Variants in ZBTB46 observed in about 807,000 individuals in gnomAD.
The protein encoded by ZBTB46 is zinc finger and BTB domain-containing protein 46.
In ZBTB46, 8 loss-of-function variants were observed where a neutral mutation model predicts 44.1. That is an observed-to-expected ratio of 0.18 (90% CI 0.11 to 0.33). ZBTB46 has a LOEUF of 0.33. Among genes scored for constraint, ZBTB46 ranks in the 10% least tolerant of loss-of-function variants. ZBTB46 has a pLI of 1.00. For missense variants in ZBTB46, 651 were observed against 847.7 expected, an observed-to-expected ratio of 0.77 and a Z score of 2.88; for synonymous variants, 409 against 382.3, an observed-to-expected ratio of 1.07 and a Z score of -0.81.
At chr20:63,754,682 C>T (rs1353643348) in intron 3 of ZBTB46, among the ~76,000 whole-genome samples, 4 of 151,842 alleles carry the variant, frequency 2.6e-5, no homozygotes, top group Non-Finnish European at 5.9e-5. Context: ...TCACTGCAAG[C>T]TCTGCCTCCC....
At chr20:63,833,333 T>C (rs1352341089), upstream of ZBTB46, among the ~76,000 whole-genome samples, 1 of 152,230 alleles carries the variant, frequency 6.6e-6, no homozygotes, top group African/African-American at 2.4e-5. Context: ...GTCTCACGCC[T>C]GTAATCCCAG....
intron 1 of ZBTB46, among the ~76,000 whole-genome samples, chr20:63,809,415 C>T (rs2092705122): frequency 6.6e-6 from 1 of 152,180 alleles, no homozygotes; most frequent in African/African-American, 2.4e-5. Flanking sequence ...CCCCTGGGTC[C>T]AGGCCTCAGG....
intron 2 of ZBTB46, 28 bp downstream of exon 2, chr20:63,789,793 G>A (rs769207476): frequency 1.3e-6 from 2 of 1,581,430 alleles, no homozygotes; most frequent in South Asian, 1.1e-5. Flanking sequence ...TGGGGCAGCT[G>A]AGCCCCCGTA....
chr20:63,746,918 C>A lies in ZBTB46; in HGVS notation c.*12G>T. 6.6e-7 allele frequency: 1 copy of A among 1,513,364 alleles called. No homozygotes were observed. The highest frequency in any genetic ancestry group is 2.4e-5 in the East Asian group (1 of 42,080). 93.7% of individuals were successfully genotyped at this position (1,513,364 alleles called of 1,614,324 possible). Reference sequence around the variant, plus strand: ...GGAGCGAGGCAGCCACCGACCCTGCCGGCGGGCGGGCCTAGGAGAGCCAGG... The same window carrying A: ...GGAGCGAGGCAGCCACCGACCCTGCAGGCGGGCGGGCCTAGGAGAGCCAGG... On this transcript the variant is annotated 3_prime_UTR_variant, in exon 5 of 5. Coordinates refer to ENST00000245663, the MANE Select transcript of ZBTB46 (RefSeq NM_001369741.1).
intron 3 of ZBTB46, chr20:63,775,474 C>G (rs1355987602): frequency 1.7e-6 from 1 of 587,580 alleles, no homozygotes; most frequent in Non-Finnish European, 2.8e-6. Context: ...CCATTCCCTC[C>G]TCACTCTAAA....
Position 63,803,027 on chromosome 20 carries a change from G to A in ZBTB46, c.-33-12237C>T, listed in dbSNP as rs990101304. 1.3e-5 allele frequency among the ~76,000 whole-genome samples: 2 copies of A among 152,176 alleles called. No homozygotes were observed. Among genetic ancestry groups the A allele is most frequent in the African/African-American group, 2.4e-5 (1 of 41,454 alleles). ...CCCCGTTTCTACCACCAAAGAGCGCGATGCCACAGACGCCAACAGGAGGAA... is the reference window on the plus strand; with the variant it reads ...CCCCGTTTCTACCACCAAAGAGCGCAATGCCACAGACGCCAACAGGAGGAA... On this transcript the variant is annotated intron_variant, in intron 1 of 4. Transcript: ENST00000245663. This position sits in a 1 kb window ranked among gnomAD's most constrained non-coding sequence, Gnocchi z 4.0.
At chr20:63,810,023 C>G (rs2092708901) in intron 1 of ZBTB46, among the ~76,000 whole-genome samples, 1 of 151,882 alleles carries the variant, frequency 6.6e-6, no homozygotes, top group Non-Finnish European at 1.5e-5. Flanking sequence ...AACGTAATGT[C>G]AATTACAAAG....
chr20:63,807,863 T>C (rs4809353), intron 1 of ZBTB46, among the ~76,000 whole-genome samples: 21,329 of 142,070 alleles, frequency 0.15, 2,109 homozygotes, highest in East Asian at 0.39. Context: ...GCCCGGTGTC[T>C]GGCCTCCGAG....
chr20:63,824,188 T>A (rs934705163), intron 1 of ZBTB46, among the ~76,000 whole-genome samples: 1 of 152,084 alleles, frequency 6.6e-6, no homozygotes, highest in African/African-American at 2.4e-5. Context: ...CCGAGTCTTG[T>A]GGGTCTGCAG....
At chr20:63,823,858 T>TGTGTGTGTGTGTGTGTGTGTGTG (rs1555859083) in intron 1 of ZBTB46, among the ~76,000 whole-genome samples, 1 of 144,718 alleles carries the variant, frequency 6.9e-6, no homozygotes, top group African/African-American at 2.6e-5. Context: ...TCTAGGAACC[T>TGTGTGTGTGTGTGTGTGTGTGTG]TGTGTGTGTG....
chr20:63,790,203 G>T lies in ZBTB46; in HGVS notation c.555C>A (p.Ala185=), dbSNP rs755925072. The change falls in exon 2 of 5, where the codon GCC becomes GCA. Residue 185 remains alanine (A), a synonymous_variant. Coordinates refer to ENST00000245663, the MANE Select transcript of ZBTB46 (RefSeq NM_001369741.1). ...TSPANSSGDS[A]IASCHDGGSS... ...TCCCTCCGTCGTGACAGCTGGCGAT[G>T]GCCGAGTCTCCGGAAGAATTGGCAG... 7.4e-6 allele frequency: 12 copies of T among 1,613,186 alleles called. No homozygotes were observed. In the South Asian group the frequency reaches 8.8e-5, roughly 12 times the overall value.
chr20:63,827,398 G>C (rs1423847050), intron 1 of ZBTB46, among the ~76,000 whole-genome samples: 1 of 152,046 alleles, frequency 6.6e-6, no homozygotes, highest in African/African-American at 2.4e-5. Context: ...ATGAGGTCAG[G>C]AGATCGAGAC....
chr20:63,815,837 ACAGGTGCAGTGAGTG>A (rs934430787), intron 1 of ZBTB46, among the ~76,000 whole-genome samples: 1 of 139,288 alleles, frequency 7.2e-6, no homozygotes, highest in African/African-American at 2.9e-5. Context: ...GCAGGTGAGC[ACAGGTGCAGTGAGTG>A]CAGGTGCAGG....
chr20:63,769,941 C>G (rs920760952), intron 3 of ZBTB46, among the ~76,000 whole-genome samples: 1 of 152,238 alleles, frequency 6.6e-6, no homozygotes, highest in East Asian at 1.9e-4. Context: ...CCACGGCCAC[C>G]TTCTCCAGTA....
chr20:63,799,936 C>T (rs1486973964), intron 1 of ZBTB46, among the ~76,000 whole-genome samples: 1 of 152,188 alleles, frequency 6.6e-6, no homozygotes, highest in African/African-American at 2.4e-5. Flanking sequence ...CCAACAACTC[C>T]GGTACCTACC....
chr20:63,800,115 G>C (rs963313817), intron 1 of ZBTB46, among the ~76,000 whole-genome samples: 2 of 152,214 alleles, frequency 1.3e-5, no homozygotes, highest in African/African-American at 4.8e-5. Context: ...GGCACAAGAA[G>C]GGGCTGCTGG....
intron 1 of ZBTB46, among the ~76,000 whole-genome samples, chr20:63,821,419 C>T (rs2092791620): frequency 6.7e-6 from 1 of 150,304 alleles, no homozygotes. Flanking sequence ...TCCTGAGCAG[C>T]TGGGACTACA....
At chr20:63,764,452 G>GTGATGAATA (rs1208630805) in intron 3 of ZBTB46, among the ~76,000 whole-genome samples, 2 of 151,758 alleles carry the variant, frequency 1.3e-5, no homozygotes, top group Non-Finnish European at 2.9e-5. Context: ...AAAAAAAATT[G>GTGATGAATA]TGATGAATAT....
chr20:63,759,012 G>A (rs757075821), intron 3 of ZBTB46, among the ~76,000 whole-genome samples: 28 of 152,116 alleles, frequency 1.8e-4, no homozygotes, highest in Non-Finnish European at 3.7e-4. Flanking sequence ...GATGACAGGC[G>A]TGAGCCATGG....
Sources: allele counts gnomAD v4.1 joint callset (sites outside exome capture counted in the v4.1 genomes callset), GRCh38; gene constraint gnomAD v4.1.1; non-coding constraint Gnocchi (gnomAD v3.1); transcripts MANE v1.5; gene names NCBI Gene and HGNC (gene_info 2026-07-23, HGNC 2026-07-21).